FHOD3: variants seen among roughly 807,000 people sequenced by gnomAD.
FHOD3 encodes the protein formin homology 2 domain containing 3, also known as FH1/FH2 domain-containing protein 3.
Under a neutral mutation model 173.0 loss-of-function variants are expected in FHOD3, and 90 were observed. The ratio of observed to expected loss-of-function variants is 0.52; its 90% CI spans 0.44 to 0.62. The LOEUF is 0.62. FHOD3 is among the 20% of genes least tolerant of loss of function. FHOD3 has a pLI of 0.00. For synonymous variants in FHOD3, 828 were observed against 823.0 expected, an observed-to-expected ratio of 1.01 and a Z score of -0.10; for missense variants, 1,945 against 2,034.7, an observed-to-expected ratio of 0.96 and a Z score of 0.85.
At chr18:36,334,945 C>T (rs2045226856) in intron 1 of FHOD3, among the ~76,000 whole-genome samples, 1 of 152,152 alleles carries the variant, frequency 6.6e-6, no homozygotes, top group Admixed American at 6.5e-5. Context: ...GCTCCAGGGG[C>T]CACCTTCAGC....
At chr18:36,394,320 T>A (rs2048446786) in intron 3 of FHOD3, among the ~76,000 whole-genome samples, 1 of 152,214 alleles carries the variant, frequency 6.6e-6, no homozygotes, top group African/African-American at 2.4e-5. Flanking sequence ...TTGAGATTTT[T>A]ACTTTACAAA....
intron 3 of FHOD3, among the ~76,000 whole-genome samples, chr18:36,422,298 A>G (rs932356183): frequency 2.0e-5 from 3 of 152,078 alleles, no homozygotes; most frequent in Non-Finnish European, 2.9e-5. Flanking sequence ...CTCTTCCTAT[A>G]CTAGTAAATA....
intron 5 of FHOD3, among the ~76,000 whole-genome samples, chr18:36,571,387 G>A (rs1349824890): frequency 1.3e-5 from 2 of 152,130 alleles, no homozygotes; most frequent in Non-Finnish European, 2.9e-5. Flanking sequence ...CTGCGAAGAT[G>A]TATAATAAAT....
At chr18:36,339,216 AG>A in intron 1 of FHOD3, among the ~76,000 whole-genome samples, 1 of 152,196 alleles carries the variant, frequency 6.6e-6, no homozygotes, top group South Asian at 2.1e-4. Flanking sequence ...AGGTTGATGG[AG>A]GGATGGCAAG....
intron 5 of FHOD3, among the ~76,000 whole-genome samples, chr18:36,563,721 G>A (rs2058168436): frequency 1.3e-5 from 2 of 152,110 alleles, no homozygotes; most frequent in South Asian, 4.2e-4. Flanking sequence ...AAAATCAGGG[G>A]AACTATTCTG....
intron 5 of FHOD3, among the ~76,000 whole-genome samples, chr18:36,556,949 C>A (rs553622588): frequency 2.0e-5 from 3 of 152,222 alleles, no homozygotes; most frequent in Admixed American, 6.5e-5. Context: ...GTATAAAATT[C>A]TAGGATGACA....
At chr18:36,656,500 C>A (rs2036436285) in intron 13 of FHOD3, among the ~76,000 whole-genome samples, 1 of 152,064 alleles carries the variant, frequency 6.6e-6, no homozygotes, top group South Asian at 2.1e-4. Context: ...ACAGCAACAG[C>A]CAAACTGACC....
In FHOD3 at chr18:36,326,990, G is replaced by A. The variant is rs554353725; in HGVS notation, c.166-28549G>A. 1.5e-3 allele frequency among the ~76,000 whole-genome samples: 226 copies of A among 152,260 alleles called. 1 individual carries two copies. The highest frequency in any genetic ancestry group is 4.4e-3 in the African/African-American group (181 of 41,550). On this transcript the variant is annotated intron_variant, in intron 1 of 28. Transcript: ENST00000590592. ...AAGAGTTTTGCCCTTGCTGGGACCG[G>A]TTATCTTTGAACCAGACAAAAATAG...
chr18:36,730,242 C>G (rs1276735074), intron 19 of FHOD3, among the ~76,000 whole-genome samples: 1 of 152,202 alleles, frequency 6.6e-6, no homozygotes, highest in Non-Finnish European at 1.5e-5. Flanking sequence ...TAAACCAGCT[C>G]TCTCTGGGCA....
intron 5 of FHOD3, among the ~76,000 whole-genome samples, chr18:36,570,575 C>G (rs1448251509): frequency 6.6e-6 from 1 of 151,936 alleles, no homozygotes. Context: ...GTATGAAAAC[C>G]AGACATAAAA....
intron 5 of FHOD3, among the ~76,000 whole-genome samples, chr18:36,514,854 A>G (rs2055874788): frequency 1.3e-5 from 2 of 152,218 alleles, no homozygotes; most frequent in Admixed American, 6.5e-5. Context: ...ACTGGATTAC[A>G]TGACCCCCTG....
chr18:36,528,866 C>A (rs142194050), intron 5 of FHOD3, among the ~76,000 whole-genome samples: 1 of 152,350 alleles, frequency 6.6e-6, no homozygotes, highest in East Asian at 1.9e-4. Context: ...CTCACACGGG[C>A]TTCTGTGCTG....
At position 36,299,262 on chromosome 18, in the gene FHOD3, G is replaced by A. The variant is rs138244595; in HGVS notation, c.165+1262G>A. The stretch of plus-strand genomic sequence containing the variant: ...CATTCTCTCCTGGTTGGTTCAGGAC[G>A]GATACAGTCGTGGAAACCTCTCTGG... On this transcript the variant is annotated intron_variant, in intron 1 of 28. Coordinates refer to ENST00000590592, the MANE Select transcript of FHOD3 (RefSeq NM_001281740.3). Among the ~76,000 whole-genome samples the A allele has an allele frequency of 5.3e-5, 8 of 152,286 alleles. No individual in the cohort carries two copies. The East Asian group carries it at 7.7e-4, about 15-fold the overall frequency.
chr18:36,586,071 C>G (rs1308480044), intron 6 of FHOD3, among the ~76,000 whole-genome samples: 2 of 152,156 alleles, frequency 1.3e-5, no homozygotes, highest in African/African-American at 4.8e-5. Flanking sequence ...ATTTGCCAAA[C>G]CTGGGTTTTA....
chr18:36,387,662 A>G (rs1188102026), intron 3 of FHOD3, among the ~76,000 whole-genome samples: 1 of 152,172 alleles, frequency 6.6e-6, no homozygotes, highest in Non-Finnish European at 1.5e-5. Flanking sequence ...GAAGTTTCCC[A>G]CTTTCCCTGA....
intron 20 of FHOD3, among the ~76,000 whole-genome samples, chr18:36,734,576 C>T (rs1455668107): frequency 6.6e-6 from 1 of 152,110 alleles, no homozygotes; most frequent in Non-Finnish European, 1.5e-5. Flanking sequence ...CCAGGGCACT[C>T]TCAGGCATCA....
At chr18:36,644,424 T>C (rs1353563927) in intron 10 of FHOD3, among the ~76,000 whole-genome samples, 1 of 152,248 alleles carries the variant, frequency 6.6e-6, no homozygotes, top group Non-Finnish European at 1.5e-5. Context: ...TCGAAAGTCC[T>C]GTGCCCTAGG....
intron 9 of FHOD3, among the ~76,000 whole-genome samples, chr18:36,615,407 G>GA (rs147465467): frequency 0.025 from 3,829 of 151,028 alleles, 167 homozygotes; most frequent in African/African-American, 0.088. Flanking sequence ...AAGCATAAGA[G>GA]AAAAAAAAAT....
intron 3 of FHOD3, among the ~76,000 whole-genome samples, chr18:36,376,527 G>C (rs747582587): frequency 2.0e-5 from 3 of 152,218 alleles, no homozygotes; most frequent in Non-Finnish European, 4.4e-5. Context: ...AATCCTATGA[G>C]ATGATGAGGT....
Sources: allele counts gnomAD v4.1 joint callset (sites outside exome capture counted in the v4.1 genomes callset), GRCh38; gene constraint gnomAD v4.1.1; transcripts MANE v1.5; gene names NCBI Gene and HGNC (gene_info 2026-07-23, HGNC 2026-07-21).